GRHL3: variants seen among roughly 807,000 people sequenced by gnomAD.
The protein encoded by GRHL3 is grainyhead-like protein 3 homolog.
A neutral mutation model predicts 70.3 loss-of-function variants in GRHL3; 20 were observed. That is an observed-to-expected ratio of 0.28 (90% CI 0.20 to 0.41). The LOEUF (loss-of-function observed/expected upper bound fraction) is 0.41, where lower values mean the gene tolerates loss of function less well. Ranked by LOEUF, GRHL3 falls within the 10% of genes least tolerant of loss-of-function variation. The pLI is 1.00. For missense variants in GRHL3, 637 were observed against 762.3 expected (o/e 0.84, Z 1.94); for synonymous variants, 299 against 299.9 (o/e 1.00, Z 0.03).
At chr1:24,341,472 G>A (rs538225722) in intron 8 of GRHL3, among the ~76,000 whole-genome samples, 1 of 152,248 alleles carries the variant, frequency 6.6e-6, no homozygotes, top group Admixed American at 6.5e-5. Flanking sequence ...TATGCCCCAC[G>A]CCTGACTCCC....
At chr1:24,351,917 G>T in intron 15 of GRHL3, among the ~76,000 whole-genome samples, 1 of 152,184 alleles carries the variant, frequency 6.6e-6, no homozygotes, top group Non-Finnish European at 1.5e-5. Context: ...TAGTTACAAG[G>T]TCATGAGTTA....
At chr1:24,337,591 C>G (rs763330675) in intron 5 of GRHL3, 45 bp from the exon 6 acceptor site, 1 of 1,607,204 alleles carries the variant, frequency 6.2e-7, no homozygotes, top group Non-Finnish European at 8.5e-7. Context: ...AGGAGACTTC[C>G]TGCCTGGGAG....
downstream of GRHL3, chr1:24,358,682 C>T: frequency 7.6e-7 from 1 of 1,313,126 alleles, no homozygotes; most frequent in Non-Finnish European, 1.1e-6. Flanking sequence ...CAGTCTCTGG[C>T]ATTCTACCTC....
Position 24,334,861 on chromosome 1 carries a change from T to C in GRHL3, c.266+155T>C, listed in dbSNP as rs1014772599. On this transcript the variant is annotated intron_variant, in intron 3 of 15. Transcript: ENST00000361548. The surrounding 1 kb of genome is among the most constrained non-coding windows in gnomAD (Gnocchi z 4.3). ...TTCATGATAATGTTTTCATTTATTT[T>C]AAAATTAAAAGAAAAAAATCAATAT... Among the ~76,000 whole-genome samples, 9 of 152,184 alleles carry C rather than the reference T, an allele frequency of 5.9e-5. No homozygotes were observed. Among genetic ancestry groups the C allele is most frequent in the African/African-American group, 2.2e-4 (9 of 41,450 alleles).
chr1:24,339,245 A>G (rs554152529), intron 7 of GRHL3, among the ~76,000 whole-genome samples: 1 of 151,020 alleles, frequency 6.6e-6, no homozygotes, highest in Non-Finnish European at 1.5e-5. Context: ...GGGGGAGAGA[A>G]TGTATGCCCC....
chr1:24,357,968 C>A, downstream of GRHL3: 2 of 344,914 alleles, frequency 5.8e-6, no homozygotes, highest in South Asian at 2.3e-5. Context: ...TCTTTCCAAA[C>A]AGGTGGTCAC....
chr1:24,359,445 C>T (rs528103845), downstream of GRHL3, among the ~76,000 whole-genome samples: 25 of 152,346 alleles, frequency 1.6e-4, no homozygotes, highest in African/African-American at 6.0e-4. This position sits in a 1 kb window ranked among gnomAD's most constrained non-coding sequence, Gnocchi z 5.3. Context: ...CTGAGTTCTC[C>T]TCGACTGACT....
intron 1 of GRHL3, among the ~76,000 whole-genome samples, chr1:24,327,042 A>G (rs1639425268): frequency 6.6e-6 from 1 of 152,250 alleles, no homozygotes. Context: ...CAGGCAGAGT[A>G]TCCCCTTTAC....
At chr1:24,347,771 C>T (rs1341291729) in intron 14 of GRHL3, among the ~76,000 whole-genome samples, 1 of 152,194 alleles carries the variant, frequency 6.6e-6, no homozygotes, top group African/African-American at 2.4e-5. Context: ...CCCTGGGAGT[C>T]GCACACACCA....
chr1:24,336,640 C>A lies in GRHL3; in HGVS notation c.425C>A (p.Pro142His). The A allele has an allele frequency of 6.2e-7, 1 of 1,614,114 alleles. No homozygotes were observed. Among genetic ancestry groups the A allele is most frequent in the Non-Finnish European group, 8.5e-7 (1 of 1,179,990 alleles). The change falls in exon 4 of 16, where the codon CCT becomes CAT. Residue 142 changes from proline to histidine, a missense_variant. Coordinates refer to ENST00000361548, the MANE Select transcript of GRHL3 (RefSeq NM_198173.3). ...AGCTTGGAGGGGGCCTTGCCCACCC[C>A]TGGCAAGGCAGCTCCCCTCCCTGCA... is the stretch of plus-strand genomic sequence containing the variant. Reference protein sequence around the residue: ...LMSLEGALPTPGKAAPLPAGP... With the variant: ...LMSLEGALPTHGKAAPLPAGP...
rs967570226 is a variant in GRHL3 at position 24,322,082 on chromosome 1, G to T, written c.17+2514G>T. Reference sequence around the variant, plus strand: ...CAGGCGACCTCCCCGGTGACCTGTTGTTCCCCTCTGGAGGGCCGGCCGGCG... The same window carrying T: ...CAGGCGACCTCCCCGGTGACCTGTTTTTCCCCTCTGGAGGGCCGGCCGGCG... On this transcript the variant is annotated intron_variant, in intron 1 of 15. Coordinates refer to ENST00000361548, the MANE Select transcript of GRHL3 (RefSeq NM_198173.3). This position sits in a 1 kb window ranked among gnomAD's most constrained non-coding sequence, Gnocchi z 4.4. 9.9e-5 allele frequency among the ~76,000 whole-genome samples: 15 copies of T among 152,142 alleles called. No homozygotes were observed. Among genetic ancestry groups the T allele is most frequent in the Admixed American group, 9.8e-4 (15 of 15,284 alleles).
chr1:24,333,716 T>C (rs539731994), intron 2 of GRHL3, among the ~76,000 whole-genome samples: 4 of 152,184 alleles, frequency 2.6e-5, no homozygotes, highest in African/African-American at 7.2e-5. Flanking sequence ...CCAAGAAAGC[T>C]GGATTCAGAG....
intron 15 of GRHL3, among the ~76,000 whole-genome samples, chr1:24,352,547 G>GTGTGAGCAGGTGTGAGCTTGGCAGA: frequency 1.3e-5 from 2 of 152,172 alleles, no homozygotes; most frequent in Non-Finnish European, 2.9e-5. Context: ...TCTTGTGCAG[G>GTGTGAGCAGGTGTGAGCTTGGCAGA]TGTGAGCAGG....
Position 24,334,751 on chromosome 1 carries a change from C to G in GRHL3, c.266+45C>G. 6.7e-7 allele frequency: 1 copy of G among 1,492,672 alleles called. No homozygotes were observed. The highest frequency in any genetic ancestry group is 9.3e-7 in the Non-Finnish European group (1 of 1,077,998). 92.5% of individuals were successfully genotyped at this position (1,492,672 alleles called of 1,614,324 possible). On this transcript the variant is annotated intron_variant, in intron 3 of 15. Coordinates refer to ENST00000361548, the MANE Select transcript of GRHL3 (RefSeq NM_198173.3). The surrounding 1 kb of genome is among the most constrained non-coding windows in gnomAD (Gnocchi z 4.3). The stretch of plus-strand genomic sequence containing the variant: ...TCTGCCTCTTTGCCCTTCCCCACCT[C>G]CACCTGGAGCCTCTTCCACACAGGT...
At chr1:24,357,934 A>G, downstream of GRHL3, 1 of 320,224 alleles carries the variant, frequency 3.1e-6, no homozygotes, top group Non-Finnish European at 6.2e-6. Context: ...AAAGAGAAAA[A>G]GGTCTAAAAG....
At chr1:24,320,261 A>G (rs1439736504) in intron 1 of GRHL3, among the ~76,000 whole-genome samples, 2 of 152,228 alleles carry the variant, frequency 1.3e-5, no homozygotes, top group Non-Finnish European at 2.9e-5. Context: ...GTTCAGTAAA[A>G]TGTGGTTCCT....
Position 24,322,575 on chromosome 1 carries a change from A to T in GRHL3, c.17+3007A>T, listed in dbSNP as rs1639238859. Among the ~76,000 whole-genome samples the T allele has an allele frequency of 6.6e-6, 1 of 152,216 alleles. No individual in the cohort carries two copies. The highest frequency in any genetic ancestry group is 1.5e-5 in the Non-Finnish European group (1 of 68,028). ...CGGACTGGGCCGAGAGGCTTGAGCC[A>T]ACCCTAACGGCGGCGGCCCGGGCGG... is the stretch of plus-strand genomic sequence containing the variant. On this transcript the variant is annotated intron_variant, in intron 1 of 15. Coordinates refer to ENST00000361548, the MANE Select transcript of GRHL3 (RefSeq NM_198173.3). This position sits in a 1 kb window ranked among gnomAD's most constrained non-coding sequence, Gnocchi z 4.4.
chr1:24,324,677 GT>G (rs1256248232), intron 1 of GRHL3, among the ~76,000 whole-genome samples: 5 of 152,144 alleles, frequency 3.3e-5, no homozygotes, highest in Admixed American at 1.3e-4. Flanking sequence ...ATTCTGTGAG[GT>G]TAGCATTCTC....
intron 15 of GRHL3, among the ~76,000 whole-genome samples, chr1:24,363,334 A>G (rs1641244784): frequency 6.6e-6 from 1 of 152,190 alleles, no homozygotes; most frequent in Admixed American, 6.5e-5. Flanking sequence ...AGCACCAGCC[A>G]TGTGTGGGAT....
Sources: gnomAD v4.1 joint callset for allele counts (sites outside exome capture counted in the v4.1 genomes callset) on GRCh38, gnomAD v4.1.1 for gene constraint, Gnocchi (gnomAD v3.1) non-coding constraint, MANE v1.5 for transcripts, NCBI Gene and HGNC (gene_info 2026-07-23, HGNC 2026-07-21) for gene names.